The following FCHSD2 variants were observed in gnomAD, a reference collection of about 807,000 sequenced individuals.
FCHSD2 encodes the protein FCH and double SH3 domains 2, also known as F-BAR and double SH3 domains protein 2.
In FCHSD2, 38 loss-of-function variants were observed where a neutral mutation model predicts 108.1. The observed-to-expected ratio is 0.35, with a 90% CI of 0.27 to 0.46. The LOEUF (loss-of-function observed/expected upper bound fraction) is 0.46, where lower values mean the gene tolerates loss of function less well. Among genes scored for constraint, FCHSD2 ranks in the 20% least tolerant of loss-of-function variants. The probability of loss-of-function intolerance (pLI) is 1.00; values close to 1 mark genes in which losing one functional copy is unlikely to be tolerated. For missense variants in FCHSD2, 751 were observed against 897.8 expected, an observed-to-expected ratio of 0.84 and a Z score of 2.09; for synonymous variants, 279 against 314.7, an observed-to-expected ratio of 0.89 and a Z score of 1.20.
At chr11:72,997,387 CA>C (rs1358649538) in intron 5 of FCHSD2, among the ~76,000 whole-genome samples, 1 of 152,092 alleles carries the variant, frequency 6.6e-6, no homozygotes, top group African/African-American at 2.4e-5. Flanking sequence ...ATCCACTTGC[CA>C]GAAGAAAGCT....
chr11:73,014,791 C>T (rs1331624707), intron 4 of FCHSD2, among the ~76,000 whole-genome samples: 1 of 152,118 alleles, frequency 6.6e-6, no homozygotes, highest in East Asian at 1.9e-4. Flanking sequence ...CAAAGGACAA[C>T]TCCTGAGCGT....
At chr11:73,081,652 C>T (rs7102253) in intron 3 of FCHSD2, among the ~76,000 whole-genome samples, 121,407 of 151,852 alleles carry the variant, frequency 0.8, 48,782 homozygotes, top group African/African-American at 0.87. Context: ...TCAGCCTCCC[C>T]ACTAGCTGGG....
At chr11:73,056,120 A>G (rs1349380374) in intron 3 of FCHSD2, among the ~76,000 whole-genome samples, 1 of 152,168 alleles carries the variant, frequency 6.6e-6, no homozygotes, top group African/African-American at 2.4e-5. Flanking sequence ...TTGACCTACA[A>G]CCTTGCTTCC....
intron 3 of FCHSD2, among the ~76,000 whole-genome samples, chr11:73,023,539 G>A (rs1462216557): frequency 1.3e-5 from 2 of 152,170 alleles, no homozygotes; most frequent in African/African-American, 4.8e-5. Context: ...AGCAAGAAAT[G>A]CTAGTGAGGA....
intron 3 of FCHSD2, among the ~76,000 whole-genome samples, chr11:73,026,742 C>A (rs1858238397): frequency 6.6e-6 from 1 of 152,026 alleles, no homozygotes; most frequent in East Asian, 1.9e-4. Flanking sequence ...AGAGGAGGGA[C>A]CTGCTAGGAG....
chr11:72,913,800 T>C lies in FCHSD2; in HGVS notation c.828+8028A>G, dbSNP rs1267797155. Among the ~76,000 whole-genome samples, 5 of 106,858 alleles carry C rather than the reference T, an allele frequency of 4.7e-5. No homozygotes were observed. The East Asian group carries it at 1.0e-3, about 21-fold the overall frequency. The allele number at this position is 106,858 out of a possible 152,430, so 70.1% of individuals were successfully genotyped here. A position where few individuals can be genotyped will look rare whatever the true frequency, so the allele number is the denominator to read the frequency against. Reference sequence around the variant, plus strand: ...CTAATGGACTCCCTTTCACAACTGATATACAAAAAAACCAAAAAAAACCCA... The same window carrying C: ...CTAATGGACTCCCTTTCACAACTGACATACAAAAAAACCAAAAAAAACCCA... On this transcript the variant is annotated intron_variant, in intron 9 of 19. Coordinates refer to ENST00000409418, the MANE Select transcript of FCHSD2 (RefSeq NM_014824.3).
chr11:73,125,339 T>C (rs986831085), intron 2 of FCHSD2, among the ~76,000 whole-genome samples: 8 of 152,256 alleles, frequency 5.3e-5, no homozygotes, highest in African/African-American at 1.9e-4. Context: ...GGAATAACTG[T>C]AATTAGACCA....
At chr11:73,131,926 G>A (rs753423326) in intron 2 of FCHSD2, among the ~76,000 whole-genome samples, 1 of 152,034 alleles carries the variant, frequency 6.6e-6, no homozygotes. Context: ...TGCATAAATG[G>A]GTCACATTCA....
At chr11:72,997,996 A>T (rs1030030602) in intron 5 of FCHSD2, among the ~76,000 whole-genome samples, 2 of 152,216 alleles carry the variant, frequency 1.3e-5, no homozygotes, top group Non-Finnish European at 2.9e-5. Flanking sequence ...CCCGTCCCCA[A>T]AAGATGAGTT....
At chr11:72,859,050 G>C (rs755991255) in intron 13 of FCHSD2, among the ~76,000 whole-genome samples, 6 of 152,170 alleles carry the variant, frequency 3.9e-5, no homozygotes, top group Non-Finnish European at 8.8e-5. Context: ...TGACCTCCCT[G>C]AACAGAGGAG....
At chr11:73,029,511 T>C (rs1858309652) in intron 3 of FCHSD2, among the ~76,000 whole-genome samples, 1 of 152,274 alleles carries the variant, frequency 6.6e-6, no homozygotes, top group South Asian at 2.1e-4. Flanking sequence ...CATGCATATG[T>C]TCCTGGAACA....
intron 8 of FCHSD2, among the ~76,000 whole-genome samples, chr11:72,954,788 A>T (rs1856681960): frequency 6.6e-6 from 1 of 152,168 alleles, no homozygotes; most frequent in African/African-American, 2.4e-5. Context: ...ATATTTACAT[A>T]CAAACATAGA....
chr11:72,978,221 T>C (rs1486666765), intron 8 of FCHSD2, among the ~76,000 whole-genome samples: 2 of 151,910 alleles, frequency 1.3e-5, no homozygotes, highest in Non-Finnish European at 2.9e-5. Flanking sequence ...AATGACGAGT[T>C]AATGGGTACA....
chr11:72,876,856 A>G (rs183107250), intron 12 of FCHSD2, among the ~76,000 whole-genome samples: 1 of 152,166 alleles, frequency 6.6e-6, no homozygotes, highest in Non-Finnish European at 1.5e-5. Flanking sequence ...ATTATTATAT[A>G]TACGTCCAGG....
chr11:73,005,522 G>A lies in FCHSD2; in HGVS notation c.243-4388C>T, dbSNP rs759762093. Among the ~76,000 whole-genome samples, 4 of 152,162 alleles carry A rather than the reference G, an allele frequency of 2.6e-5. No individual in the cohort carries two copies. The East Asian group carries it at 5.8e-4, about 22-fold the overall frequency. Reference sequence around the variant, plus strand: ...CAGCCATTCTTTAGTCTCCTTTGCCGGTTCCGCTTCATCTCACTGTCCCAT... The same window carrying A: ...CAGCCATTCTTTAGTCTCCTTTGCCAGTTCCGCTTCATCTCACTGTCCCAT... On this transcript the variant is annotated intron_variant, in intron 4 of 19. Coordinates refer to ENST00000409418, the MANE Select transcript of FCHSD2 (RefSeq NM_014824.3).
intron 12 of FCHSD2, 133 bp downstream of exon 12, chr11:72,887,337 C>T (rs1433374301): frequency 3.2e-6 from 2 of 629,574 alleles, no homozygotes; most frequent in Non-Finnish European, 5.5e-6. Context: ...ACAAATACTA[C>T]TGTGGACACG....
intron 3 of FCHSD2, among the ~76,000 whole-genome samples, chr11:73,064,165 A>C (rs1263859379): frequency 6.6e-6 from 1 of 152,228 alleles, no homozygotes; most frequent in Non-Finnish European, 1.5e-5. Flanking sequence ...TGGAAATTGA[A>C]CAACCTGTTC....
intron 3 of FCHSD2, among the ~76,000 whole-genome samples, chr11:73,054,991 A>G (rs921206804): frequency 1.3e-5 from 2 of 152,172 alleles, no homozygotes; most frequent in Non-Finnish European, 2.9e-5. Context: ...AAGAGGTTTA[A>G]TGGACTGTGG....
intron 3 of FCHSD2, among the ~76,000 whole-genome samples, chr11:73,069,934 G>C (rs139135376): frequency 6.6e-6 from 1 of 151,124 alleles, no homozygotes; most frequent in Non-Finnish European, 1.5e-5. Flanking sequence ...TAAAAAAACA[G>C]AGTCACAGAA....
Sources: allele counts gnomAD v4.1 joint callset (sites outside exome capture counted in the v4.1 genomes callset), GRCh38; gene constraint gnomAD v4.1.1; transcripts MANE v1.5; gene names NCBI Gene and HGNC (gene_info 2026-07-23, HGNC 2026-07-21).